DIPK1B: variants seen among roughly 807,000 people sequenced by gnomAD.
DIPK1B encodes divergent protein kinase domain 1B.
A neutral mutation model predicts 20.7 loss-of-function variants in DIPK1B; 17 were observed. That is an observed-to-expected ratio of 0.82 (90% CI 0.56 to 1.23). The LOEUF (loss-of-function observed/expected upper bound fraction) is 1.23, where lower values mean the gene tolerates loss of function less well. Ranked by LOEUF, DIPK1B falls within the 50% of genes most tolerant of loss-of-function variation. The pLI, the probability that DIPK1B is intolerant of heterozygous loss-of-function variation, is 0.00. For synonymous variants in DIPK1B, 343 were observed against 276.5 expected, an observed-to-expected ratio of 1.24 and a Z score of -2.39; for missense variants, 648 against 601.8, an observed-to-expected ratio of 1.08 and a Z score of -0.80.
At chr9:136,720,423 T>G (rs1472589911) in intron 2 of DIPK1B, among the ~76,000 whole-genome samples, 1 of 152,082 alleles carries the variant, frequency 6.6e-6, no homozygotes, top group Non-Finnish European at 1.5e-5. Context: ...CCTCCAAGCC[T>G]GCTTGGCCAG....
intron 2 of DIPK1B, 21 bp downstream of exon 2, chr9:136,717,732 C>G: frequency 6.2e-7 from 1 of 1,609,988 alleles, no homozygotes; most frequent in Non-Finnish European, 8.5e-7. Context: ...CTTGTGCGGG[C>G]TGGGGACTGG....
intron 2 of DIPK1B, among the ~76,000 whole-genome samples, chr9:136,719,050 C>G (rs1846547742): frequency 1.3e-5 from 2 of 148,570 alleles, no homozygotes. Flanking sequence ...GTCCTGGGGC[C>G]ATGGGTGGGG....
chr9:136,717,029 G>A (rs1846506816), intron 1 of DIPK1B, among the ~76,000 whole-genome samples: 1 of 152,072 alleles, frequency 6.6e-6, no homozygotes, highest in Non-Finnish European at 1.5e-5. Context: ...CGGAGTTCAA[G>A]ACCAGCCTAG....
intron 1 of DIPK1B, among the ~76,000 whole-genome samples, chr9:136,715,435 A>C (rs1370136009): frequency 6.6e-6 from 1 of 152,000 alleles, no homozygotes; most frequent in East Asian, 1.9e-4. Flanking sequence ...AGGATGGCAG[A>C]GTGACCTGGA....
intron 1 of DIPK1B, 103 bp from the exon 2 acceptor site, chr9:136,717,474 G>A (rs1846514834): frequency 7.2e-7 from 1 of 1,381,586 alleles, no homozygotes; most frequent in Non-Finnish European, 9.8e-7. Context: ...GCAGGGGAAG[G>A]CTGGGGTGGA....
chr9:136,715,927 A>G (rs1321291679), intron 1 of DIPK1B, among the ~76,000 whole-genome samples: 1 of 152,168 alleles, frequency 6.6e-6, no homozygotes, highest in African/African-American at 2.4e-5. Flanking sequence ...CCGCCTTCCC[A>G]AACTGAAGCT....
chr9:136,722,405 C>A, intron 4 of DIPK1B, 104 bp downstream of exon 4: 1 of 1,270,724 alleles, frequency 7.9e-7, no homozygotes, highest in Non-Finnish European at 1.1e-6. Context: ...CACAGATGGG[C>A]CCAAGTGGAC....
chr9:136,722,138 T>G lies in DIPK1B; in HGVS notation c.320T>G (p.Leu107Arg). The G allele has an allele frequency of 6.2e-7, 1 of 1,613,920 alleles. No individual in the cohort carries two copies. The highest frequency in any genetic ancestry group is 2.2e-5 in the East Asian group (1 of 44,870). Reference protein sequence around the residue: ...VAPGQQVYSGLWRDKDVTIKC... With the variant: ...VAPGQQVYSGRWRDKDVTIKC... ...GGCCCTGTCCAGGTGTACAGCGGGC[T>G]CTGGCGGGACAAGGATGTAACCATC... The change falls in exon 4 of 5, where the codon CTC becomes CGC. Residue 107 changes from leucine (L) to arginine (R), a missense_variant. Leu to Arg is a moderately radical substitution (Grantham distance 102). Transcript: ENST00000371692.
chr9:136,717,515 T>C (rs1218291102), intron 1 of DIPK1B, 62 bp from the exon 2 acceptor site: 1 of 1,560,978 alleles, frequency 6.4e-7, no homozygotes. Context: ...GAAGTGGGGT[T>C]GAGAGCACCC....
At chr9:136,722,521 T>C in intron 4 of DIPK1B, 1 of 618,720 alleles carries the variant, frequency 1.6e-6, no homozygotes, top group Non-Finnish European at 2.8e-6. Context: ...GGCTGGCAGC[T>C]GAGGTCGAGG....
At position 136,712,751 on chromosome 9, in the gene DIPK1B, G is replaced by GC. The variant is rs1564304825; in HGVS notation, c.63+28dup. On this transcript the variant is annotated intron_variant, in intron 1 of 4. Transcript: ENST00000371692. The surrounding 1 kb of genome is among the most constrained non-coding windows in gnomAD (Gnocchi z 5.6). ...CAGGTAAGCGCGGTGCGCGCCCGCCGCCCCCGGCCGCCTCTGCCTGGGGAG... is the reference window on the plus strand; with the variant it reads ...CAGGTAAGCGCGGTGCGCGCCCGCCGCCCCCCGGCCGCCTCTGCCTGGGGAG... 3.0e-6 allele frequency: 4 copies of GC among 1,318,792 alleles called. No individual in the cohort carries two copies. Among genetic ancestry groups the GC allele is most frequent in the Admixed American group, 7.8e-5 (2 of 25,780 alleles). The allele number at this position is 1,318,792 out of a possible 1,614,324, so 81.7% of individuals were successfully genotyped here.
In DIPK1B at chr9:136,717,712, G is replaced by A; in HGVS notation, c.198+1G>A. ...CGGCCATGTCTGCCAGGTGGTCATT[G>A]TAAGTGTTGCTTGTGCGGGCTGGGG... On this transcript the variant is annotated splice_donor_variant, in intron 2 of 4. Transcript: ENST00000371692. LOFTEE classifies it high-confidence loss of function. 1 of 1,611,162 alleles carries A rather than the reference G, an allele frequency of 6.2e-7. No homozygotes were observed. Among genetic ancestry groups the A allele is most frequent in the Non-Finnish European group, 8.5e-7 (1 of 1,179,922 alleles).
At chr9:136,719,744 A>G (rs574835834) in intron 2 of DIPK1B, among the ~76,000 whole-genome samples, 1 of 149,666 alleles carries the variant, frequency 6.7e-6, no homozygotes, top group Non-Finnish European at 1.5e-5. Context: ...GGGACCCTGG[A>G]GCCCCAGCCC....
At chr9:136,719,469 G>C (rs559387552) in intron 2 of DIPK1B, among the ~76,000 whole-genome samples, 1 of 152,314 alleles carries the variant, frequency 6.6e-6, no homozygotes, top group South Asian at 2.1e-4. Context: ...GGCTGGCCCA[G>C]CGCACACAAC....
Position 136,722,205 on chromosome 9 carries a change from G to T in DIPK1B, c.387G>T (p.Ser129=), listed in dbSNP as rs139435488. Reference sequence around the variant, plus strand: ...AGACCCTCGACTCCAAGGCCCGGTCGGATGCGGCCCCCCGGCGGGAGCTGG... The same window carrying T: ...AGACCCTCGACTCCAAGGCCCGGTCTGATGCGGCCCCCCGGCGGGAGCTGG... ...IEETLDSKAR[S]DAAPRRELVL... is the part of the protein sequence containing the mutation. Residue 129 remains serine (S), a synonymous_variant, in exon 4 of 5, where the codon TCG becomes TCT. Coordinates refer to ENST00000371692, the MANE Select transcript of DIPK1B (RefSeq NM_152421.4). 6.2e-7 allele frequency: 1 copy of T among 1,614,014 alleles called. No individual in the cohort carries two copies.
chr9:136,721,142 C>T (rs1846593030), intron 2 of DIPK1B: 1 of 152,320 alleles, frequency 6.6e-6, no homozygotes, highest in African/African-American at 2.4e-5. Flanking sequence ...TGACACCCAG[C>T]TGTTTGCCCT....
At position 136,724,712 on chromosome 9, in the gene DIPK1B, A is replaced by G. The variant is rs1846676867; in HGVS notation, c.*938A>G. ...CTGTATTTTAAAATAAATGTTTTCC[A>G]TATAGATTTTCCCCTTGGGGGGGAA... On this transcript the variant is annotated 3_prime_UTR_variant, in exon 5 of 5. Coordinates refer to ENST00000371692, the MANE Select transcript of DIPK1B (RefSeq NM_152421.4). 6.6e-6 allele frequency: 1 copy of G among 152,244 alleles called. No individual in the cohort carries two copies. The highest frequency in any genetic ancestry group is 1.5e-5 in the Non-Finnish European group (1 of 68,044). 9.4% of individuals were successfully genotyped at this position (152,244 alleles called of 1,614,324 possible). A position where few individuals can be genotyped will look rare whatever the true frequency, so the allele number is the denominator to read the frequency against.
chr9:136,713,024 T>G (rs1292943745), intron 1 of DIPK1B, among the ~76,000 whole-genome samples: 2 of 152,206 alleles, frequency 1.3e-5, no homozygotes, highest in Non-Finnish European at 2.9e-5. Context: ...AAGTCCTTTC[T>G]TCTTTTCTCC....
Position 136,724,047 on chromosome 9 carries a change from C to A in DIPK1B, c.*273C>A. The A allele has an allele frequency of 2.2e-6, 1 of 454,280 alleles. No homozygotes were observed. Among genetic ancestry groups the A allele is most frequent in the Non-Finnish European group, 4.0e-6 (1 of 247,570 alleles). 28.1% of individuals were successfully genotyped at this position (454,280 alleles called of 1,614,324 possible). A position where few individuals can be genotyped will look rare whatever the true frequency, so the allele number is the denominator to read the frequency against. ...AACAGCTTTTATGTAATGCCCAGGG[C>A]TGAGCACCCTGAGCCCCCATCGATG... On this transcript the variant is annotated 3_prime_UTR_variant, in exon 5 of 5. Coordinates refer to ENST00000371692, the MANE Select transcript of DIPK1B (RefSeq NM_152421.4).
Sources: allele counts gnomAD v4.1 joint callset (sites outside exome capture counted in the v4.1 genomes callset), GRCh38; gene constraint gnomAD v4.1.1; non-coding constraint Gnocchi (gnomAD v3.1); transcripts MANE v1.5; gene names NCBI Gene and HGNC (gene_info 2026-07-23, HGNC 2026-07-21).